PARD3B: variants seen among roughly 807,000 people sequenced by gnomAD.
PARD3B encodes partitioning defective 3 homolog B.
PARD3B carries 103 observed loss-of-function variants against 130.2 expected under a neutral mutation model. The ratio of observed to expected loss-of-function variants is 0.79; its 90% confidence interval spans 0.67 to 0.93. The LOEUF (loss-of-function observed/expected upper bound fraction) is 0.93, where lower values mean the gene tolerates loss of function less well. Ranked by LOEUF, PARD3B falls within the 40% of genes least tolerant of loss-of-function variation. The pLI is 0.00. For synonymous variants in PARD3B, 583 were observed against 553.2 expected (o/e 1.05, Z -0.76); for missense variants, 1,609 against 1,499.2 (o/e 1.07, Z -1.21).
At chr2:204,752,288 A>G (rs926203253) in intron 2 of PARD3B, among the ~76,000 whole-genome samples, 1 of 152,094 alleles carries the variant, frequency 6.6e-6, no homozygotes, top group Admixed American at 6.6e-5. Context: ...TCATTTATAA[A>G]TTGAGGTATC....
At chr2:205,453,599 G>A (rs530317319) in intron 20 of PARD3B, among the ~76,000 whole-genome samples, 4 of 152,062 alleles carry the variant, frequency 2.6e-5, no homozygotes, top group African/African-American at 7.2e-5. Context: ...ATAATAAGTC[G>A]GCAGAGCTAA....
At chr2:205,216,182 T>C (rs1045779776) in intron 15 of PARD3B, among the ~76,000 whole-genome samples, 11 of 152,188 alleles carry the variant, frequency 7.2e-5, no homozygotes, top group Admixed American at 7.2e-4. Flanking sequence ...GCCTATAGTA[T>C]TCACTATAGT....
At chr2:205,533,832 A>G (rs2051713799) in intron 21 of PARD3B, among the ~76,000 whole-genome samples, 1 of 152,072 alleles carries the variant, frequency 6.6e-6, no homozygotes, top group Admixed American at 6.6e-5. Flanking sequence ...GGCTCAAGCA[A>G]TCCTTCCACC....
At chr2:205,168,081 T>C (rs945645895) in intron 11 of PARD3B, among the ~76,000 whole-genome samples, 1 of 152,202 alleles carries the variant, frequency 6.6e-6, no homozygotes, top group African/African-American at 2.4e-5. Context: ...CGTTCTAAAG[T>C]GCACTGAAGA....
At chr2:205,169,443 TAGTAAC>T (rs1056152353) in intron 11 of PARD3B, among the ~76,000 whole-genome samples, 1 of 152,242 alleles carries the variant, frequency 6.6e-6, no homozygotes, top group Non-Finnish European at 1.5e-5. Context: ...AGTTTGTGCT[TAGTAAC>T]TGTTGATAGA....
chr2:205,457,476 A>G (rs2048315100), intron 20 of PARD3B, among the ~76,000 whole-genome samples: 1 of 151,948 alleles, frequency 6.6e-6, no homozygotes, highest in Non-Finnish European at 1.5e-5. Flanking sequence ...ATACACTGTA[A>G]TTACTGTTTA....
rs550340375 is a variant in PARD3B at position 205,331,240 on chromosome 2, A to T, written c.2630+29539A>T. ...TACAAACGTTCACAGATTTACGTGCATATAAGCACACATGCACATATATTC... is the reference window on the plus strand; with the variant it reads ...TACAAACGTTCACAGATTTACGTGCTTATAAGCACACATGCACATATATTC... On this transcript the variant is annotated intron_variant, in intron 18 of 22. Transcript: ENST00000406610. 3.3e-5 allele frequency among the ~76,000 whole-genome samples: 5 copies of T among 150,246 alleles called. No individual in the cohort carries two copies. The East Asian group carries it at 9.8e-4, about 30-fold the overall frequency.
Position 205,263,291 on chromosome 2 carries a change from G to C in PARD3B, c.2185+17469G>C, listed in dbSNP as rs955472022. Among the ~76,000 whole-genome samples, 3 of 151,980 alleles carry C rather than the reference G, an allele frequency of 2.0e-5. No homozygotes were observed. Among genetic ancestry groups the C allele is most frequent in the Non-Finnish European group, 4.4e-5 (3 of 67,948 alleles). On this transcript the variant is annotated intron_variant, in intron 16 of 22. Coordinates refer to ENST00000406610, the MANE Select transcript of PARD3B (RefSeq NM_001302769.2). This position sits in a 1 kb window ranked among gnomAD's most constrained non-coding sequence, Gnocchi z 4.0. Reference sequence around the variant, plus strand: ...GAGAATTAATCAAGGTGACAAAGGTGGTGGGGCAAAAACAGTGGGAATATA... The same window carrying C: ...GAGAATTAATCAAGGTGACAAAGGTCGTGGGGCAAAAACAGTGGGAATATA...
At chr2:205,442,290 C>CTTTTTTTT (rs71410814) in intron 20 of PARD3B, among the ~76,000 whole-genome samples, 26 of 105,992 alleles carry the variant, frequency 2.5e-4, no homozygotes, top group African/African-American at 8.0e-4. Context: ...ACAGGTTTTC[C>CTTTTTTTT]TTTTTTTTTT....
chr2:205,106,213 T>C (rs1314888392), intron 5 of PARD3B, among the ~76,000 whole-genome samples: 2 of 152,118 alleles, frequency 1.3e-5, no homozygotes, highest in Admixed American at 1.3e-4. Flanking sequence ...AATGGCGTGA[T>C]CTCGGCTCAC....
chr2:205,170,359 G>A (rs2035085741), intron 11 of PARD3B, among the ~76,000 whole-genome samples: 1 of 152,164 alleles, frequency 6.6e-6, no homozygotes, highest in Admixed American at 6.5e-5. Flanking sequence ...CTTCAAATTA[G>A]GGTAAAGGTT....
rs148505283 is a variant in PARD3B at position 205,585,523 on chromosome 2, T to A, written c.3261-29933T>A. 2.6e-5 allele frequency among the ~76,000 whole-genome samples: 4 copies of A among 152,144 alleles called. No individual in the cohort carries two copies. The East Asian group carries it at 7.8e-4, about 30-fold the overall frequency. Reference sequence around the variant, plus strand: ...CAGGCATTTATTTAAATGGGATCAGTTAGGGAGGGAGCAGGCCAGCTGTGT... The same window carrying A: ...CAGGCATTTATTTAAATGGGATCAGATAGGGAGGGAGCAGGCCAGCTGTGT... On this transcript the variant is annotated intron_variant, in intron 22 of 22. Coordinates refer to ENST00000406610, the MANE Select transcript of PARD3B (RefSeq NM_001302769.2). This position sits in a 1 kb window ranked among gnomAD's most constrained non-coding sequence, Gnocchi z 5.4.
At chr2:204,672,996 C>CT (rs2036378567) in intron 1 of PARD3B, among the ~76,000 whole-genome samples, 1 of 152,034 alleles carries the variant, frequency 6.6e-6, no homozygotes, top group East Asian at 1.9e-4. Context: ...TATGTATGCC[C>CT]GTGTATGTGA....
At chr2:205,305,398 A>C (rs1540365) in intron 18 of PARD3B, among the ~76,000 whole-genome samples, 91,056 of 151,994 alleles carry the variant, frequency 0.6, 29,234 homozygotes, top group South Asian at 0.75. Flanking sequence ...GATCTATAGT[A>C]TAGTAAATGC....
At chr2:205,361,689 CA>C (rs1465227429) in intron 18 of PARD3B, among the ~76,000 whole-genome samples, 3 of 152,180 alleles carry the variant, frequency 2.0e-5, no homozygotes, top group African/African-American at 7.2e-5. Flanking sequence ...ACTAAGAGGA[CA>C]ACAATTTTTC....
In PARD3B at chr2:205,575,896, A is replaced by T. The variant is rs572463764; in HGVS notation, c.3260+22493A>T. Among the ~76,000 whole-genome samples, 3 of 152,300 alleles carry T rather than the reference A, an allele frequency of 2.0e-5. No homozygotes were observed. In the South Asian group the frequency reaches 6.2e-4, roughly 32 times the overall value. Reference sequence around the variant, plus strand: ...CTCTTTTGGGTAAATACCAAGGAACATGACTGCTGGATCAAGTGGCGAGAC... The same window carrying T: ...CTCTTTTGGGTAAATACCAAGGAACTTGACTGCTGGATCAAGTGGCGAGAC... On this transcript the variant is annotated intron_variant, in intron 22 of 22. Coordinates refer to ENST00000406610, the MANE Select transcript of PARD3B (RefSeq NM_001302769.2). The surrounding 1 kb of genome is among the most constrained non-coding windows in gnomAD (Gnocchi z 4.6).
intron 16 of PARD3B, among the ~76,000 whole-genome samples, chr2:205,261,846 A>G (rs2040325840): frequency 6.6e-6 from 1 of 152,188 alleles, no homozygotes; most frequent in African/African-American, 2.4e-5. Flanking sequence ...CCATGTGGCC[A>G]TGGATCAGAT....
chr2:204,598,249 T>G (rs922198681), intron 1 of PARD3B, among the ~76,000 whole-genome samples: 1 of 152,202 alleles, frequency 6.6e-6, no homozygotes, highest in African/African-American at 2.4e-5. Context: ...AAAGCAAACT[T>G]TATTCTTTTA....
intron 20 of PARD3B, among the ~76,000 whole-genome samples, chr2:205,471,365 T>TTC (rs2048825661): frequency 6.8e-6 from 1 of 147,606 alleles, no homozygotes; most frequent in Non-Finnish European, 1.5e-5. Flanking sequence ...TTTTTTTTTT[T>TTC]TTTTTTTTTT....
Sources: allele counts gnomAD v4.1 joint callset (sites outside exome capture counted in the v4.1 genomes callset), GRCh38; gene constraint gnomAD v4.1.1; non-coding constraint Gnocchi (gnomAD v3.1); transcripts MANE v1.5; gene names NCBI Gene and HGNC (gene_info 2026-07-23, HGNC 2026-07-21).